The following PARD3B variants were observed in gnomAD, a reference collection of about 807,000 sequenced individuals.
PARD3B encodes partitioning defective 3 homolog B.
PARD3B carries 103 observed loss-of-function variants against 130.2 expected under a neutral mutation model. The observed-to-expected ratio is 0.79, with a 90% CI of 0.67 to 0.93. The LOEUF (loss-of-function observed/expected upper bound fraction) is 0.93, where lower values mean the gene tolerates loss of function less well. Ranked by LOEUF, PARD3B falls within the 40% of genes least tolerant of loss-of-function variation. The probability of loss-of-function intolerance (pLI) is 0.00; values close to 1 mark genes in which losing one functional copy is unlikely to be tolerated. For missense variants in PARD3B, 1,609 were observed against 1,499.2 expected (o/e 1.07, Z -1.21); for synonymous variants, 583 against 553.2 (o/e 1.05, Z -0.76).
chr2:205,166,706 T>C (rs2034840047), intron 11 of PARD3B, among the ~76,000 whole-genome samples: 1 of 152,176 alleles, frequency 6.6e-6, no homozygotes, highest in African/African-American at 2.4e-5. Flanking sequence ...GATGTTGTCA[T>C]AGAGTGATTG....
At chr2:204,642,381 G>T (rs938867291) in intron 1 of PARD3B, among the ~76,000 whole-genome samples, 1 of 152,160 alleles carries the variant, frequency 6.6e-6, no homozygotes, top group Non-Finnish European at 1.5e-5. Context: ...TCAGAGTGTT[G>T]CTGTTTATTA....
At chr2:205,138,622 A>C (rs2032691482) in intron 10 of PARD3B, among the ~76,000 whole-genome samples, 1 of 152,214 alleles carries the variant, frequency 6.6e-6, no homozygotes, top group Non-Finnish European at 1.5e-5. Flanking sequence ...GTCTTTTAAG[A>C]TTCTTTCCTA....
chr2:204,857,703 G>A (rs1003788540), intron 2 of PARD3B, among the ~76,000 whole-genome samples: 1 of 152,144 alleles, frequency 6.6e-6, no homozygotes, highest in Non-Finnish European at 1.5e-5. Context: ...TGTCTTCAGA[G>A]ATAAGAATGT....
chr2:205,329,429 G>A (rs527347088), intron 18 of PARD3B, among the ~76,000 whole-genome samples: 1 of 152,232 alleles, frequency 6.6e-6, no homozygotes, highest in Admixed American at 6.5e-5. Context: ...CATGCCATTC[G>A]ACTAGCTTCT....
intron 1 of PARD3B, among the ~76,000 whole-genome samples, chr2:204,621,525 G>T (rs1365550843): frequency 6.6e-6 from 1 of 152,124 alleles, no homozygotes; most frequent in Non-Finnish European, 1.5e-5. Flanking sequence ...TGGAGAAGTT[G>T]AGTAAAATAT....
In PARD3B at chr2:205,460,895, T is replaced by C. The variant is rs934940831; in HGVS notation, c.3044+20223T>C. ...TCTGGAGAATAAAAAAATCTAACAA[T>C]GTAAGAAGAGGAGGCTACAGAAACC... is the stretch of plus-strand genomic sequence containing the variant. On this transcript the variant is annotated intron_variant, in intron 20 of 22. Coordinates refer to ENST00000406610, the MANE Select transcript of PARD3B (RefSeq NM_001302769.2). The surrounding 1 kb of genome is among the most constrained non-coding windows in gnomAD (Gnocchi z 4.9). 2.6e-5 allele frequency among the ~76,000 whole-genome samples: 4 copies of C among 152,136 alleles called. No individual in the cohort carries two copies. Among genetic ancestry groups the C allele is most frequent in the African/African-American group, 9.7e-5 (4 of 41,424 alleles).
chr2:204,699,484 T>C (rs1024595469), intron 2 of PARD3B, among the ~76,000 whole-genome samples: 3 of 151,986 alleles, frequency 2.0e-5, no homozygotes, highest in Non-Finnish European at 2.9e-5. Flanking sequence ...CAGAATAATT[T>C]GGTATATTTA....
chr2:204,770,786 A>G (rs896498107), intron 2 of PARD3B, among the ~76,000 whole-genome samples: 1 of 151,864 alleles, frequency 6.6e-6, no homozygotes, highest in Non-Finnish European at 1.5e-5. Context: ...CCCTTCTCCC[A>G]CCTTCCACCT....
intron 22 of PARD3B, among the ~76,000 whole-genome samples, chr2:205,566,076 G>C (rs567500202): frequency 3.2e-4 from 49 of 152,314 alleles, no homozygotes; most frequent in African/African-American, 1.1e-3. Flanking sequence ...CCTTGTGTAG[G>C]AGAACACGTA....
chr2:204,945,003 A>C (rs1689199911), intron 2 of PARD3B, among the ~76,000 whole-genome samples: 1 of 152,230 alleles, frequency 6.6e-6, no homozygotes. Context: ...ATATCCTGGG[A>C]TGGGGACAAT....
In PARD3B at chr2:205,294,132, G is replaced by GT. The variant is rs570208558; in HGVS notation, c.2186-6391dup. Among the ~76,000 whole-genome samples the GT allele has an allele frequency of 6.0e-3, 915 of 151,606 alleles. 5 individuals are homozygous for GT. Among genetic ancestry groups the GT allele is most frequent in the Middle Eastern group, 0.041 (12 of 294 alleles). ...TATTTGTTTTTTGTTTGTTCATTTT[G>GT]TTTTTTTAATCCAGTAGAGTCTTTC... On this transcript the variant is annotated intron_variant, in intron 16 of 22. Coordinates refer to ENST00000406610, the MANE Select transcript of PARD3B (RefSeq NM_001302769.2).
At chr2:205,255,703 A>T (rs909089183) in intron 16 of PARD3B, among the ~76,000 whole-genome samples, 1 of 152,160 alleles carries the variant, frequency 6.6e-6, no homozygotes, top group Non-Finnish European at 1.5e-5. Context: ...TATTATAAAG[A>T]ACATTGCAAA....
intron 1 of PARD3B, among the ~76,000 whole-genome samples, chr2:204,640,215 C>T (rs1416399542): frequency 6.6e-6 from 1 of 152,088 alleles, no homozygotes; most frequent in Non-Finnish European, 1.5e-5. Flanking sequence ...GTGATCGCAC[C>T]ACTGCATTGC....
chr2:205,468,069 C>T (rs1378144436), intron 20 of PARD3B, among the ~76,000 whole-genome samples: 1 of 152,206 alleles, frequency 6.6e-6, no homozygotes, highest in Non-Finnish European at 1.5e-5. Context: ...CTGCTTTCAT[C>T]CCAGTTCTTT....
intron 2 of PARD3B, among the ~76,000 whole-genome samples, chr2:204,715,011 C>T (rs953878829): frequency 1.3e-5 from 2 of 152,124 alleles, no homozygotes; most frequent in African/African-American, 4.8e-5. Flanking sequence ...GCAGGACACT[C>T]ACAAAGATAG....
chr2:204,839,676 T>G (rs2044190562), intron 2 of PARD3B, among the ~76,000 whole-genome samples: 1 of 152,182 alleles, frequency 6.6e-6, no homozygotes, highest in Admixed American at 6.5e-5. Context: ...TGTGTGCATT[T>G]GACAACAAAT....
intron 2 of PARD3B, among the ~76,000 whole-genome samples, chr2:204,771,733 A>C (rs1239760149): frequency 6.6e-6 from 1 of 152,138 alleles, no homozygotes; most frequent in African/African-American, 2.4e-5. Flanking sequence ...ATGTCTTTAA[A>C]AACACATCCA....
At chr2:205,577,947 A>G (rs1425950752) in intron 22 of PARD3B, among the ~76,000 whole-genome samples, 1 of 152,242 alleles carries the variant, frequency 6.6e-6, no homozygotes, top group African/African-American at 2.4e-5. Context: ...TGATAAGAAT[A>G]CTGCTGATGG....
At chr2:204,971,941 C>T (rs1431555106) in intron 3 of PARD3B, among the ~76,000 whole-genome samples, 2 of 151,418 alleles carry the variant, frequency 1.3e-5, no homozygotes, top group Admixed American at 1.3e-4. Context: ...AAAGCATGAG[C>T]CACCACGCCT....
Sources: gnomAD v4.1 joint callset for allele counts (sites outside exome capture counted in the v4.1 genomes callset) on GRCh38, gnomAD v4.1.1 for gene constraint, Gnocchi (gnomAD v3.1) non-coding constraint, MANE v1.5 for transcripts, NCBI Gene and HGNC (gene_info 2026-07-23, HGNC 2026-07-21) for gene names.